Variants in WT1 observed in about 807,000 individuals in gnomAD.
WT1 encodes the protein WT1 transcription factor, also known as Wilms tumor protein.
Under a neutral mutation model 60.8 loss-of-function variants are expected in WT1, and 8 were observed. The observed-to-expected ratio is 0.13, with a 90% confidence interval of 0.08 to 0.24. The LOEUF (loss-of-function observed/expected upper bound fraction) is 0.24. Ranked by LOEUF, WT1 falls within the 10% of genes least tolerant of loss-of-function variation. WT1 has a pLI of 1.00. For missense variants in WT1, 568 were observed against 711.8 expected (o/e 0.80, Z 2.30); for synonymous variants, 312 against 297.1 (o/e 1.05, Z -0.52).
Position 32,402,302 on chromosome 11 carries a change from C to A in WT1, c.1017-2258G>T, listed in dbSNP as rs5030243. Reference sequence around the variant, plus strand: ...GGGCAAAAATGCCAAACCCAAAGAACATATGCCCTTCTGACCCTTAGAATG... The same window carrying A: ...GGGCAAAAATGCCAAACCCAAAGAAAATATGCCCTTCTGACCCTTAGAATG... On this transcript the variant is annotated intron_variant, in intron 5 of 9. Transcript: ENST00000452863. Among the ~76,000 whole-genome samples the A allele has an allele frequency of 2.8e-3, 428 of 152,326 alleles. 1 individual carries two copies. The highest frequency in any genetic ancestry group is 9.3e-3 in the African/African-American group (388 of 41,566).
intron 3 of WT1, among the ~76,000 whole-genome samples, chr11:32,427,412 C>A (rs558480598): frequency 6.6e-6 from 1 of 152,334 alleles, no homozygotes; most frequent in East Asian, 1.9e-4. Flanking sequence ...TGTTGCGACC[C>A]GATCTCCGTC....
At chr11:32,407,617 G>A (rs560540662) in intron 5 of WT1, among the ~76,000 whole-genome samples, 1 of 152,160 alleles carries the variant, frequency 6.6e-6, no homozygotes, top group East Asian at 1.9e-4. Flanking sequence ...TCAAACTCTT[G>A]TGTCTCTAAA....
chr11:32,392,215 C>T (rs1280867360), intron 8 of WT1, 151 bp from the exon 9 acceptor site: 2 of 749,986 alleles, frequency 2.7e-6, no homozygotes, highest in Non-Finnish European at 4.8e-6. Context: ...CCCCAGTCCC[C>T]CAGGCCCAAC....
At chr11:32,434,625 G>C (rs1174297381) in intron 1 of WT1, 75 bp downstream of exon 1, 3 of 1,607,194 alleles carry the variant, frequency 1.9e-6, no homozygotes, top group Admixed American at 3.3e-5. Flanking sequence ...AGGGGTAGGA[G>C]AGGGGGGTGT....
At position 32,435,325 on chromosome 11, in the gene WT1, C is replaced by A. The variant is rs1313371480; in HGVS notation, c.36G>T (p.Thr12=). 1.3e-6 allele frequency: 2 copies of A among 1,531,056 alleles called. No homozygotes were observed. Among genetic ancestry groups the A allele is most frequent in the South Asian group, 2.4e-5 (2 of 83,904 alleles). 94.8% of individuals were successfully genotyped at this position (1,531,056 alleles called of 1,614,324 possible). Reference sequence around the variant, plus strand: ...GCTGAGACGCCGGCTCCGGGACACACGTGGAAGCCGGGTCCTGCAGCAAGA... The same window carrying A: ...GCTGAGACGCCGGCTCCGGGACACAAGTGGAAGCCGGGTCCTGCAGCAAGA... Residue 12 remains threonine (T), a synonymous_variant, in exon 1 of 10, where the codon ACG becomes ACT. Transcript: ENST00000452863.
rs1565002773 is a variant in WT1, at chr11:32,435,408, C to T, written c.-48G>A. The T allele has an allele frequency of 1.8e-5, 13 of 719,644 alleles. No homozygotes were observed. The highest frequency in any genetic ancestry group is 2.5e-5 in the African/African-American group (1 of 40,814). The allele number at this position is 719,644 out of a possible 1,614,324, so 44.6% of individuals were successfully genotyped here. ...GGCCCGGGCGCCTGGGCTGCCGTCC[C>T]GGCTCTGGGTGGGTGGGTGGGTGAA... On this transcript the variant is annotated 5_prime_UTR_variant, in exon 1 of 10. Transcript: ENST00000452863.
At position 32,435,113 on chromosome 11, in the gene WT1, G is replaced by A. The variant is rs1278102757; in HGVS notation, c.248C>T (p.Ala83Val). The change falls in exon 1 of 10, where the codon GCG becomes GTG. Residue 83 changes from alanine to valine, a missense_variant. Physicochemically the swap from Ala to Val is moderately conservative, Grantham distance 64 (BLOSUM62 0). Coordinates refer to ENST00000452863, the MANE Select transcript of WT1 (RefSeq NM_024426.6). ...CAGGGAGGGGACGGCGGGCAGCAGC[G>A]CGTTCAGGTCCCGCACGTCGGAGCC... The A allele has an allele frequency of 2.7e-6, 4 of 1,509,302 alleles. No individual in the cohort carries two copies. The highest frequency in any genetic ancestry group is 3.5e-6 in the Non-Finnish European group (4 of 1,136,906). 93.5% of individuals were successfully genotyped at this position (1,509,302 alleles called of 1,614,324 possible).
chr11:32,388,846 G>A lies in WT1; in HGVS notation c.*212C>T. ...AGACATTGTTAGCTGCTTCTCCAGG[G>A]CCTGTGAGTCAACTAAAAGTAGGCA... On this transcript the variant is annotated 3_prime_UTR_variant, in exon 10 of 10. Coordinates refer to ENST00000452863, the MANE Select transcript of WT1 (RefSeq NM_024426.6). The A allele has an allele frequency of 1.3e-6, 1 of 771,526 alleles. No individual in the cohort carries two copies. 47.8% of individuals were successfully genotyped at this position (771,526 alleles called of 1,614,324 possible).
Position 32,388,886 on chromosome 11 carries a change from T to C in WT1, c.*172A>G. On this transcript the variant is annotated 3_prime_UTR_variant, in exon 10 of 10. Coordinates refer to ENST00000452863, the MANE Select transcript of WT1 (RefSeq NM_024426.6). ...AAAAGTAGGCAGGGCAGAGACCAACTCTTCCAGGCACACCTGGTAGTTTCC... is the reference window on the plus strand; with the variant it reads ...AAAAGTAGGCAGGGCAGAGACCAACCCTTCCAGGCACACCTGGTAGTTTCC... 8.2e-7 allele frequency: 1 copy of C among 1,220,368 alleles called. No individual in the cohort carries two copies. Among genetic ancestry groups the C allele is most frequent in the Non-Finnish European group, 1.1e-6 (1 of 880,232 alleles). 75.6% of individuals were successfully genotyped at this position (1,220,368 alleles called of 1,614,324 possible).
At chr11:32,395,714 G>C (rs569299607) in intron 7 of WT1, among the ~76,000 whole-genome samples, 2 of 151,800 alleles carry the variant, frequency 1.3e-5, no homozygotes, top group Admixed American at 6.6e-5. Context: ...CACCCACTTC[G>C]GCCTCCCAAA....
chr11:32,415,880 T>C (rs1312448284), intron 5 of WT1, among the ~76,000 whole-genome samples: 2 of 151,950 alleles, frequency 1.3e-5, no homozygotes, highest in African/African-American at 4.8e-5. Context: ...TACTGAAGGA[T>C]GAACCAAATA....
chr11:32,425,799 C>T (rs967898206), intron 3 of WT1, among the ~76,000 whole-genome samples: 1 of 152,026 alleles, frequency 6.6e-6, no homozygotes, highest in Non-Finnish European at 1.5e-5. Flanking sequence ...AAGAAAGTTC[C>T]TCAATTATAA....
Position 32,428,550 on chromosome 11 carries a change from A to T in WT1, c.731T>A (p.Phe244Tyr). The T allele has an allele frequency of 6.2e-7, 1 of 1,614,036 alleles. No homozygotes were observed. Among genetic ancestry groups the T allele is most frequent in the East Asian group, 2.2e-5 (1 of 44,850 alleles). The stretch of plus-strand genomic sequence containing the variant: ...CTCATGCTTGAATGAGTGGTTGGGG[A>T]ACTGCGCCGCATGGTGCGAGGGCGT... The change falls in exon 2 of 10, where the codon TTC (phenylalanine) becomes TAC (tyrosine). Residue 244 changes from phenylalanine to tyrosine, a missense_variant. Transcript: ENST00000452863.
chr11:32,404,575 A>T (rs1852255321), intron 5 of WT1, among the ~76,000 whole-genome samples: 1 of 152,134 alleles, frequency 6.6e-6, no homozygotes, highest in Admixed American at 6.5e-5. Flanking sequence ...CTGTGCTAGA[A>T]GCCACTCTCC....
chr11:32,434,596 G>T, intron 1 of WT1, 104 bp downstream of exon 1: 1 of 1,577,136 alleles, frequency 6.3e-7, no homozygotes. Flanking sequence ...GAAGCAGCTG[G>T]GTAAGAGCTG....
chr11:32,428,501 C>T lies in WT1; in HGVS notation c.780G>A (p.Ser260=), dbSNP rs1403311573. Residue 260 remains serine, a synonymous_variant, in exon 2 of 10, where the codon TCG becomes TCA. Transcript: ENST00000452863. The stretch of plus-strand genomic sequence containing the variant: ...CACTTGGTTCCGCTCGCTTACCCAG[C>T]GAGCCCTGCTGGCCCATGGGATCCT... The T allele has an allele frequency of 1.2e-6, 2 of 1,614,068 alleles. No individual in the cohort carries two copies. The highest frequency in any genetic ancestry group is 1.3e-5 in the African/African-American group (1 of 75,060).
intron 3 of WT1, among the ~76,000 whole-genome samples, chr11:32,424,243 T>C (rs946238870): frequency 1.3e-5 from 2 of 151,062 alleles, no homozygotes; most frequent in African/African-American, 4.9e-5. Flanking sequence ...CTGGTGTCAC[T>C]CAGTGATTCA....
At position 32,435,266 on chromosome 11, in the gene WT1, T is replaced by A; in HGVS notation, c.95A>T (p.Gln32Leu). 6.5e-7 allele frequency: 1 copy of A among 1,535,226 alleles called. No individual in the cohort carries two copies. Among genetic ancestry groups the A allele is most frequent in the Non-Finnish European group, 8.7e-7 (1 of 1,147,138 alleles). ...GTCCCGGACTCCCTGCTGCTCTGGC[T>A]GCTGTAGGCACCCAGGCCCGGAGCG... Residue 32 changes from glutamine (Q) to leucine (L), a missense_variant, in exon 1 of 10, where the codon CAG (glutamine) becomes CTG (leucine). By Grantham distance (113) the Gln-to-Leu change is moderately radical. This residue lies in a region of WT1 where 523 missense variants were observed against 565.1 expected (regional missense o/e 0.93). Coordinates refer to ENST00000452863, the MANE Select transcript of WT1 (RefSeq NM_024426.6).
Position 32,427,964 on chromosome 11 carries a change from G to C in WT1, c.879C>G (p.Pro293=). The C allele has an allele frequency of 6.2e-7, 1 of 1,610,824 alleles. No homozygotes were observed. Among genetic ancestry groups the C allele is most frequent in the Non-Finnish European group, 8.5e-7 (1 of 1,178,976 alleles). ...GCCCAGCGCCTTCCTACCTGCTGTAGGGCGTCCTCAGCAGCAAAGCCTGGC... is the reference window on the plus strand; with the variant it reads ...GCCCAGCGCCTTCCTACCTGCTGTACGGCGTCCTCAGCAGCAAAGCCTGGC... Residue 293 remains proline (P), a synonymous_variant, in exon 3 of 10, where the codon CCC becomes CCG. Transcript: ENST00000452863.
Sources: allele counts gnomAD v4.1 joint callset (sites outside exome capture counted in the v4.1 genomes callset), GRCh38; gene constraint gnomAD v4.1.1; regional missense constraint gnomAD v4.1.1; transcripts MANE v1.5; gene names NCBI Gene and HGNC (gene_info 2026-07-23, HGNC 2026-07-21).